TMEM117: variants seen among roughly 807,000 people sequenced by gnomAD.
TMEM117 encodes transmembrane protein 117.
A neutral mutation model predicts 52.4 loss-of-function variants in TMEM117; 27 were observed. The observed-to-expected ratio is 0.51, with a 90% CI of 0.38 to 0.71. The LOEUF (loss-of-function observed/expected upper bound fraction) is 0.71, where lower values mean the gene tolerates loss of function less well. Among genes scored for constraint, TMEM117 ranks in the 30% least tolerant of loss-of-function variants. TMEM117 has a pLI of 0.00. For missense variants in TMEM117, 556 were observed against 630.5 expected (o/e 0.88, Z 1.26); for synonymous variants, 215 against 206.3 (o/e 1.04, Z -0.36).
At chr12:43,813,927 A>G in the TMEM117 span, among the ~76,000 whole-genome samples, 3 of 150,718 alleles carry the variant, frequency 2.0e-5, no homozygotes, top group East Asian at 2.0e-4. Context: ...GATATTTCCT[A>G]TTTATTCTAG....
chr12:44,153,359 A>G (rs1948782192), intron 4 of TMEM117, among the ~76,000 whole-genome samples: 1 of 152,066 alleles, frequency 6.6e-6, no homozygotes, highest in African/African-American at 2.4e-5. Flanking sequence ...CAAATATTTA[A>G]TAGTAGATCT....
chr12:44,143,974 C>T (rs1948606614), intron 4 of TMEM117, among the ~76,000 whole-genome samples: 1 of 152,062 alleles, frequency 6.6e-6, no homozygotes, highest in Non-Finnish European at 1.5e-5. Context: ...TTTTGTTTGT[C>T]TAAATAATTT....
chr12:43,907,402 A>G (rs7969369), intron 2 of TMEM117, among the ~76,000 whole-genome samples: 107,482 of 150,282 alleles, frequency 0.72, 41,542 homozygotes, highest in East Asian at 0.87. Context: ...GGGAAAAAAC[A>G]GAGCAGAAAA....
At chr12:43,899,946 A>G (rs1251737424) in intron 2 of TMEM117, among the ~76,000 whole-genome samples, 1 of 152,204 alleles carries the variant, frequency 6.6e-6, no homozygotes, top group Non-Finnish European at 1.5e-5. Flanking sequence ...GTGTATTACT[A>G]TGAAGTGGGA....
At chr12:44,215,043 A>G (rs976349674) in intron 5 of TMEM117, among the ~76,000 whole-genome samples, 2 of 152,170 alleles carry the variant, frequency 1.3e-5, no homozygotes, top group Admixed American at 1.3e-4. Flanking sequence ...TATGTCACCC[A>G]CTCAAAAATG....
chr12:43,806,711 T>C, the TMEM117 span, among the ~76,000 whole-genome samples: 2 of 152,244 alleles, frequency 1.3e-5, no homozygotes, highest in Non-Finnish European at 2.9e-5. Context: ...ACTCTTCCTA[T>C]AATCGATACC....
At chr12:44,342,313 C>T (rs1032918519) in intron 6 of TMEM117, among the ~76,000 whole-genome samples, 1 of 152,172 alleles carries the variant, frequency 6.6e-6, no homozygotes, top group Non-Finnish European at 1.5e-5. Flanking sequence ...AATCTGCCCT[C>T]CCTCTTTTTA....
intron 3 of TMEM117, among the ~76,000 whole-genome samples, chr12:44,050,203 G>A (rs180762985): frequency 6.6e-6 from 1 of 152,184 alleles, no homozygotes; most frequent in African/African-American, 2.4e-5. Context: ...TTGAGACGGA[G>A]TCTCATTCTG....
chr12:44,160,835 C>T (rs1337624699), intron 4 of TMEM117, among the ~76,000 whole-genome samples: 3 of 152,080 alleles, frequency 2.0e-5, no homozygotes, highest in Non-Finnish European at 4.4e-5. Flanking sequence ...ATGCCTTGAT[C>T]CGTGTTGATG....
chr12:43,912,175 G>T (rs1187145309), intron 2 of TMEM117, among the ~76,000 whole-genome samples: 258 of 149,660 alleles, frequency 1.7e-3, no homozygotes, highest in South Asian at 2.9e-3. Flanking sequence ...CCATAAAAAA[G>T]GATGAGTTCA....
At chr12:43,896,578 T>C (rs1265307544) in intron 2 of TMEM117, among the ~76,000 whole-genome samples, 2 of 152,200 alleles carry the variant, frequency 1.3e-5, no homozygotes, top group South Asian at 2.1e-4. Context: ...TTTTTGAACA[T>C]TGGATTCATT....
intron 6 of TMEM117, among the ~76,000 whole-genome samples, chr12:44,339,567 C>T (rs1214209999): frequency 1.3e-5 from 2 of 151,958 alleles, no homozygotes; most frequent in Non-Finnish European, 2.9e-5. Flanking sequence ...ATGGTTATAA[C>T]ATTAATATAC....
At chr12:44,390,939 T>G (rs1412344067), downstream of TMEM117, among the ~76,000 whole-genome samples, 1 of 152,108 alleles carries the variant, frequency 6.6e-6, no homozygotes, top group Non-Finnish European at 1.5e-5. Flanking sequence ...TACAGAGATT[T>G]TTGAATACCA....
chr12:44,180,944 G>C (rs1412487443), intron 4 of TMEM117, among the ~76,000 whole-genome samples: 1 of 151,916 alleles, frequency 6.6e-6, no homozygotes, highest in Non-Finnish European at 1.5e-5. Context: ...TTCCACAATG[G>C]TTGAACTAGT....
intron 6 of TMEM117, among the ~76,000 whole-genome samples, chr12:44,330,587 T>C (rs751289208): frequency 2.0e-5 from 3 of 152,124 alleles, no homozygotes; most frequent in Non-Finnish European, 2.9e-5. Flanking sequence ...TTTATACTTA[T>C]AGCACATCTC....
At chr12:44,165,934 C>T (rs781747850) in intron 4 of TMEM117, among the ~76,000 whole-genome samples, 6 of 152,168 alleles carry the variant, frequency 3.9e-5, no homozygotes, top group Admixed American at 1.3e-4. Context: ...TTCTTCTCAT[C>T]AGCACATGAA....
chr12:44,326,082 G>C (rs537931505), intron 6 of TMEM117, among the ~76,000 whole-genome samples: 35 of 152,272 alleles, frequency 2.3e-4, no homozygotes, highest in African/African-American at 8.4e-4. Flanking sequence ...AGAATTGCTT[G>C]AACCTGGGAG....
chr12:44,272,664 C>A (rs1028478945), intron 5 of TMEM117, among the ~76,000 whole-genome samples: 1 of 152,158 alleles, frequency 6.6e-6, no homozygotes, highest in Non-Finnish European at 1.5e-5. Context: ...ATCAAAACCA[C>A]AATGAGATAC....
intron 2 of TMEM117, among the ~76,000 whole-genome samples, chr12:43,918,068 G>A (rs187085665): frequency 4.1e-4 from 62 of 152,236 alleles, no homozygotes; most frequent in Admixed American, 1.0e-3. Context: ...TATCATCAAG[G>A]ACATAGCCTG....
Sources: allele counts gnomAD v4.1 joint callset (sites outside exome capture counted in the v4.1 genomes callset), GRCh38; gene constraint gnomAD v4.1.1; transcripts MANE v1.5; gene names NCBI Gene and HGNC (gene_info 2026-07-23, HGNC 2026-07-21).